Variants in MYO3B observed in about 807,000 individuals in gnomAD.
The protein encoded by MYO3B is myosin IIIB, also known as myosin-IIIb.
In MYO3B, 156 loss-of-function variants were observed where a neutral mutation model predicts 174.6. The observed-to-expected ratio is 0.89, with a 90% CI of 0.78 to 1.02. MYO3B has a LOEUF of 1.02. MYO3B is among the 50% of genes least tolerant of loss of function. MYO3B has a pLI of 0.00. For synonymous variants in MYO3B, 563 were observed against 569.1 expected (o/e 0.99, Z 0.15); for missense variants, 1,632 against 1,639.4 (o/e 1.00, Z 0.08).
chr2:170,499,516 A>C lies in MYO3B; in HGVS notation c.3127-130A>C, dbSNP rs1480361824. 8.3e-6 allele frequency: 7 copies of C among 839,380 alleles called. No individual in the cohort carries two copies. In the Admixed American group the frequency reaches 1.7e-4, roughly 20 times the overall value. 52.0% of individuals were successfully genotyped at this position (839,380 alleles called of 1,614,324 possible). On this transcript the variant is annotated intron_variant, in intron 26 of 34. Transcript: ENST00000408978. ...TTACCTCCATGAAGTCAGTAATGTGAGCATAAGTCACATCGCTATAAACTT... is the reference window on the plus strand; with the variant it reads ...TTACCTCCATGAAGTCAGTAATGTGCGCATAAGTCACATCGCTATAAACTT...
intron 32 of MYO3B, among the ~76,000 whole-genome samples, chr2:170,600,700 A>G (rs1444587066): frequency 6.6e-6 from 1 of 152,232 alleles, no homozygotes; most frequent in African/African-American, 2.4e-5. Context: ...GCAGTCTTAT[A>G]TTCTAAGCTC....
In MYO3B at chr2:170,357,353, T is replaced by TATATA. The variant is rs1558920252; in HGVS notation, c.816-11869_816-11868insATATA. Among the ~76,000 whole-genome samples the TATATA allele has an allele frequency of 1.3e-3, 180 of 134,988 alleles. 1 individual carries two copies. Among genetic ancestry groups the TATATA allele is most frequent in the African/African-American group, 4.5e-3 (166 of 36,562 alleles). 88.6% of individuals were successfully genotyped at this position (134,988 alleles called of 152,430 possible). ...AATAATATATATTATATATATATAT[T>TATATA]TTATATATTATATATTTATATGTGT... On this transcript the variant is annotated intron_variant, in intron 8 of 34. Coordinates refer to ENST00000408978, the MANE Select transcript of MYO3B (RefSeq NM_138995.5).
chr2:170,273,659 C>T lies in MYO3B; in HGVS notation c.749+37523C>T, dbSNP rs895525905. Among the ~76,000 whole-genome samples, 6 of 152,106 alleles carry T rather than the reference C, an allele frequency of 3.9e-5. No homozygotes were observed. The East Asian group carries it at 1.2e-3, about 29-fold the overall frequency. ...TCTTCCATATTCCCCTTGGACCTGC[C>T]ACTATCTACATGGTGACCATCCTTC... On this transcript the variant is annotated intron_variant, in intron 7 of 34. Coordinates refer to ENST00000408978, the MANE Select transcript of MYO3B (RefSeq NM_138995.5).
At chr2:170,461,773 T>A (rs866159690) in intron 23 of MYO3B, among the ~76,000 whole-genome samples, 278 of 27,248 alleles carry the variant, frequency 0.01, no homozygotes, top group African/African-American at 0.031. Flanking sequence ...TGAAACTCCG[T>A]TTAAAAAAAA....
intron 32 of MYO3B, among the ~76,000 whole-genome samples, chr2:170,646,281 A>AT (rs1698368134): frequency 1.3e-5 from 2 of 152,032 alleles, no homozygotes; most frequent in African/African-American, 4.8e-5. Flanking sequence ...CAAAAAAAAA[A>AT]AAAAAGTGTT....
intron 32 of MYO3B, among the ~76,000 whole-genome samples, chr2:170,629,331 G>A (rs1017557922): frequency 6.6e-6 from 1 of 152,084 alleles, no homozygotes; most frequent in East Asian, 1.9e-4. Context: ...TCACCCTCTG[G>A]TGAGGCTGTA....
intron 23 of MYO3B, among the ~76,000 whole-genome samples, chr2:170,460,084 C>T (rs935441621): frequency 4.6e-5 from 7 of 152,152 alleles, no homozygotes; most frequent in South Asian, 2.1e-4. Flanking sequence ...AGTGCAGTGG[C>T]GGGCTGAAGG....
chr2:170,394,946 A>C (rs2094435482), intron 16 of MYO3B, among the ~76,000 whole-genome samples: 1 of 152,268 alleles, frequency 6.6e-6, no homozygotes, highest in Admixed American at 6.5e-5. Context: ...GATAAAGCTT[A>C]AATGAACTGA....
chr2:170,386,106 G>A, intron 12 of MYO3B, 83 bp from the exon 13 acceptor site: 1 of 1,112,718 alleles, frequency 9.0e-7, no homozygotes, highest in Non-Finnish European at 1.4e-6. Flanking sequence ...AAATTAAGGT[G>A]TACAGTAGTG....
intron 25 of MYO3B, among the ~76,000 whole-genome samples, chr2:170,494,644 C>T (rs770478123): frequency 2.2e-5 from 3 of 137,516 alleles, no homozygotes; most frequent in Non-Finnish European, 4.5e-5. Context: ...ACGAGAATTA[C>T]TTGAACCTGG....
chr2:170,427,109 A>G (rs908801215), intron 22 of MYO3B, among the ~76,000 whole-genome samples: 1 of 152,180 alleles, frequency 6.6e-6, no homozygotes, highest in African/African-American at 2.4e-5. Context: ...AAAGATTAAT[A>G]CTAATATAAG....
At chr2:170,384,060 AGATAT>A (rs1283823894) in intron 12 of MYO3B, 3 of 407,906 alleles carry the variant, frequency 7.4e-6, no homozygotes, top group Non-Finnish European at 1.3e-5. Flanking sequence ...TTCTCTGATA[AGATAT>A]AATAAAAATG....
intron 7 of MYO3B, among the ~76,000 whole-genome samples, chr2:170,253,903 G>T (rs2093279221): frequency 6.6e-6 from 1 of 151,032 alleles, no homozygotes; most frequent in Non-Finnish European, 1.5e-5. Context: ...GGCGGGGGCG[G>T]GCAGTGATAA....
At chr2:170,513,709 C>T (rs1027068539) in intron 28 of MYO3B, among the ~76,000 whole-genome samples, 3 of 152,032 alleles carry the variant, frequency 2.0e-5, no homozygotes, top group South Asian at 2.1e-4. Flanking sequence ...TTTCTGTATT[C>T]GAATGTGAGC....
At chr2:170,390,359 T>C (rs2094403817) in intron 14 of MYO3B, among the ~76,000 whole-genome samples, 1 of 152,096 alleles carries the variant, frequency 6.6e-6, no homozygotes. Context: ...ACCCAGAAAT[T>C]TGAGGCTGCA....
intron 7 of MYO3B, among the ~76,000 whole-genome samples, chr2:170,247,019 T>C (rs2093198423): frequency 6.6e-6 from 1 of 152,158 alleles, no homozygotes; most frequent in Non-Finnish European, 1.5e-5. Flanking sequence ...TGCTTCTAGA[T>C]AGGAAGTGGG....
Position 170,401,802 on chromosome 2 carries a change from C to CTTTTTTTTTTT in MYO3B, c.2129+116_2129+126dup, listed in dbSNP as rs769531863. 387 of 699,458 alleles carry CTTTTTTTTTTT rather than the reference C, an allele frequency of 5.5e-4. 4 individuals are homozygous for CTTTTTTTTTTT. Among genetic ancestry groups the CTTTTTTTTTTT allele is most frequent in the African/African-American group, 6.8e-4 (34 of 49,952 alleles). 43.3% of individuals were successfully genotyped at this position (699,458 alleles called of 1,614,324 possible). ...CCTCTCTGGGATTTTCTTTCTTTTT[C>CTTTTTTTTTTT]TTTTTTTTTTTTTTTGTGGAGTCAG... On this transcript the variant is annotated intron_variant, in intron 18 of 34. Coordinates refer to ENST00000408978, the MANE Select transcript of MYO3B (RefSeq NM_138995.5).
intron 32 of MYO3B, among the ~76,000 whole-genome samples, chr2:170,552,800 G>A (rs1691008550): frequency 6.6e-6 from 1 of 152,156 alleles, no homozygotes; most frequent in South Asian, 2.1e-4. Context: ...TCCCATCAAA[G>A]GCCTGCAGGC....
At chr2:170,289,299 T>C (rs186983577) in intron 7 of MYO3B, among the ~76,000 whole-genome samples, 2 of 152,234 alleles carry the variant, frequency 1.3e-5, no homozygotes, top group African/African-American at 4.8e-5. Flanking sequence ...TACTGGTTAT[T>C]CTTTAAATGT....
Sources: allele counts gnomAD v4.1 joint callset (sites outside exome capture counted in the v4.1 genomes callset), GRCh38; gene constraint gnomAD v4.1.1; transcripts MANE v1.5; gene names NCBI Gene and HGNC (gene_info 2026-07-23, HGNC 2026-07-21).